Variants in DNAH9 observed in about 807,000 individuals in gnomAD.
DNAH9 encodes dynein axonemal heavy chain 9.
DNAH9 carries 345 observed loss-of-function variants against 471.6 expected under a neutral mutation model. The ratio of observed to expected loss-of-function variants is 0.73; its 90% CI spans 0.67 to 0.80. The LOEUF (loss-of-function observed/expected upper bound fraction) is 0.80, where lower values mean the gene tolerates loss of function less well. DNAH9 is among the 30% of genes least tolerant of loss of function. The pLI is 0.00. For missense variants in DNAH9, 5,407 were observed against 5,609.2 expected, an observed-to-expected ratio of 0.96 and a Z score of 1.15; for synonymous variants, 2,093 against 2,123.6, an observed-to-expected ratio of 0.99 and a Z score of 0.40.
intron 42 of DNAH9, 89 bp downstream of exon 42, chr17:11,793,753 T>C: frequency 1.6e-5 from 19 of 1,173,956 alleles, no homozygotes; most frequent in Non-Finnish European, 2.3e-5. Context: ...TCTAGCTGTT[T>C]AATGGAGAAA....
intron 9 of DNAH9, among the ~76,000 whole-genome samples, chr17:11,640,012 G>C (rs2073239897): frequency 6.6e-6 from 1 of 152,094 alleles, no homozygotes; most frequent in Admixed American, 6.5e-5. Context: ...AAACACTCAT[G>C]GCTGGGCCCC....
chr17:11,772,140 G>A (rs933516139), intron 38 of DNAH9, among the ~76,000 whole-genome samples: 2 of 151,868 alleles, frequency 1.3e-5, no homozygotes, highest in Non-Finnish European at 2.9e-5. Flanking sequence ...ATCATTAGGA[G>A]TACTATTCAA....
intron 2 of DNAH9, among the ~76,000 whole-genome samples, chr17:11,610,075 A>G (rs1261326929): frequency 6.6e-6 from 1 of 152,188 alleles, no homozygotes; most frequent in East Asian, 1.9e-4. Context: ...TGTCCACGGT[A>G]TTCCTGCATT....
chr17:11,959,972 G>A (rs983429011), intron 67 of DNAH9, among the ~76,000 whole-genome samples: 6 of 151,976 alleles, frequency 3.9e-5, no homozygotes, highest in Non-Finnish European at 4.4e-5. Flanking sequence ...AAAATAGTCC[G>A]GCCACCAGAC....
rs370090627 is a variant in DNAH9 at position 11,694,429 on chromosome 17, C to T, written c.4854C>T (p.Asn1618=). The T allele has an allele frequency of 9.2e-5, 148 of 1,613,002 alleles. No individual in the cohort carries two copies. Among genetic ancestry groups the T allele is most frequent in the Non-Finnish European group, 6.5e-5 (77 of 1,179,804 alleles). ...CCGATCTGTTAGACATCCTTTCCAACGGCACAGCTCCACAACAGGTAAGCT... is the reference window on the plus strand; with the variant it reads ...CCGATCTGTTAGACATCCTTTCCAATGGCACAGCTCCACAACAGGTAAGCT... ...SSSDLLDILS[N]GTAPQQVQRH... is the part of the protein sequence containing the mutation. The change falls in exon 22 of 69, where the codon AAC becomes AAT. Residue 1618 remains asparagine, a synonymous_variant. Transcript: ENST00000262442.
intron 59 of DNAH9, among the ~76,000 whole-genome samples, chr17:11,896,720 C>T (rs1973228311): frequency 6.6e-6 from 1 of 152,112 alleles, no homozygotes; most frequent in Non-Finnish European, 1.5e-5. Flanking sequence ...TAAAGTAGCA[C>T]CGTCCAAAAG....
rs1349972017 is a variant in DNAH9, at chr17:11,781,116, G to T, written c.7660G>T (p.Ala2554Ser). 4 of 1,614,194 alleles carry T rather than the reference G, an allele frequency of 2.5e-6. No individual in the cohort carries two copies. Among genetic ancestry groups the T allele is most frequent in the Non-Finnish European group, 3.4e-6 (4 of 1,180,044 alleles). Residue 2554 changes from alanine (A) to serine (S), a missense_variant, in exon 39 of 69, where the codon GCC (alanine) becomes TCC (serine). Ala to Ser is a moderately conservative substitution (Grantham distance 99). This residue lies in a region of DNAH9 where 4,636 missense variants were observed against 4,900.3 expected (regional missense o/e 0.95). Coordinates refer to ENST00000262442, the MANE Select transcript of DNAH9 (RefSeq NM_001372.4). ...IDDMNMPEVD[A>S]YGTVQPHTII... The stretch of plus-strand genomic sequence containing the variant: ...TGACATGAACATGCCTGAGGTGGAT[G>T]CCTACGGGACGGTGCAGCCCCACAC...
intron 14 of DNAH9, among the ~76,000 whole-genome samples, chr17:11,655,205 G>A (rs1377069491): frequency 1.3e-5 from 2 of 151,730 alleles, no homozygotes; most frequent in Non-Finnish European, 2.9e-5. Context: ...CCTCCTCATA[G>A]TTTAGCTCCC....
chr17:11,672,795 CAG>C (rs1449983063), intron 17 of DNAH9, among the ~76,000 whole-genome samples: 2 of 152,190 alleles, frequency 1.3e-5, no homozygotes, highest in African/African-American at 4.8e-5. Context: ...CAGTGGGGCT[CAG>C]AGAATGATGG....
intron 5 of DNAH9, 139 bp downstream of exon 5, chr17:11,617,761 T>G (rs117637520): frequency 0.022 from 13,789 of 640,096 alleles, 223 homozygotes; most frequent in Non-Finnish European, 0.028. Context: ...TGAATTACAG[T>G]ATTTTACTCT....
chr17:11,896,957 G>A (rs980343842), intron 59 of DNAH9, among the ~76,000 whole-genome samples: 2 of 152,180 alleles, frequency 1.3e-5, no homozygotes, highest in Non-Finnish European at 2.9e-5. Flanking sequence ...GGGTGTGGTG[G>A]CACACACCTG....
chr17:11,936,783 T>G (rs1159587295), intron 65 of DNAH9, among the ~76,000 whole-genome samples: 1 of 152,188 alleles, frequency 6.6e-6, no homozygotes, highest in Non-Finnish European at 1.5e-5. Context: ...TTTCAAAATT[T>G]TTTTTATTTG....
At chr17:11,945,433 A>T (rs1403187523) in intron 67 of DNAH9, among the ~76,000 whole-genome samples, 1 of 151,604 alleles carries the variant, frequency 6.6e-6, no homozygotes, top group Admixed American at 6.6e-5. Context: ...GCTACTACGG[A>T]GGCTGAAGCA....
At position 11,652,976 on chromosome 17, in the gene DNAH9, G is replaced by C; in HGVS notation, c.2569G>C (p.Gly857Arg). Residue 857 changes from glycine to arginine, a missense_variant, in exon 14 of 69, where the codon GGC becomes CGC. Gly to Arg is a moderately radical substitution (Grantham distance 125). Around this residue, in one of 3 missense-constraint regions of DNAH9, gnomAD observed 4,636 missense variants for 4,900.3 expected, o/e 0.95. Transcript: ENST00000262442. Reference protein sequence around the residue: ...EKYYNLIKESGLKIHALVQEN... With the variant: ...EKYYNLIKESRLKIHALVQEN... ...ATATTACAATCTCATCAAGGAATCT[G>C]GCCTTAAGATCCACGCCCTTGTTCA... is the stretch of plus-strand genomic sequence containing the variant. The C allele has an allele frequency of 6.2e-7, 1 of 1,613,988 alleles. No homozygotes were observed. The highest frequency in any genetic ancestry group is 8.5e-7 in the Non-Finnish European group (1 of 1,179,996).
intron 14 of DNAH9, among the ~76,000 whole-genome samples, chr17:11,659,046 T>C (rs925501926): frequency 6.6e-6 from 1 of 152,182 alleles, no homozygotes; most frequent in Admixed American, 6.5e-5. Flanking sequence ...CTGAAAAAGT[T>C]TGTGGAAGGT....
At chr17:11,627,095 G>T (rs2150667432) in intron 6 of DNAH9, among the ~76,000 whole-genome samples, 1 of 152,232 alleles carries the variant, frequency 6.6e-6, no homozygotes, top group East Asian at 1.9e-4. Context: ...CTGGATGGGT[G>T]GATCTCTTTC....
intron 14 of DNAH9, among the ~76,000 whole-genome samples, chr17:11,661,117 A>G (rs893700203): frequency 6.6e-6 from 1 of 152,120 alleles, no homozygotes; most frequent in African/African-American, 2.4e-5. Context: ...ATTTTAGCAC[A>G]TTTATAATTA....
intron 4 of DNAH9, among the ~76,000 whole-genome samples, chr17:11,613,080 T>A (rs903956116): frequency 6.6e-6 from 1 of 152,176 alleles, no homozygotes; most frequent in East Asian, 1.9e-4. Context: ...CTGGCATAAG[T>A]TGTTAGTCTC....
intron 48 of DNAH9, among the ~76,000 whole-genome samples, chr17:11,834,278 G>A (rs1042054833): frequency 8.2e-6 from 1 of 121,902 alleles, no homozygotes; most frequent in African/African-American, 3.2e-5. Flanking sequence ...GCAGTGAGCC[G>A]AGATCACGCC....
Sources: gnomAD v4.1 joint callset for allele counts (sites outside exome capture counted in the v4.1 genomes callset) on GRCh38, gnomAD v4.1.1 for gene constraint, gnomAD v4.1.1 regional missense constraint, MANE v1.5 for transcripts, NCBI Gene and HGNC (gene_info 2026-07-23, HGNC 2026-07-21) for gene names.